Variants in SYT4 observed in about 807,000 individuals in gnomAD.
SYT4 encodes synaptotagmin-4.
A neutral mutation model predicts 32.9 loss-of-function variants in SYT4; 7 were observed. The ratio of observed to expected loss-of-function variants is 0.21; its 90% CI spans 0.12 to 0.40. The LOEUF is 0.40. Ranked by LOEUF, SYT4 falls within the 10% of genes least tolerant of loss-of-function variation. The pLI is 1.00. For missense variants in SYT4, 480 were observed against 488.0 expected (o/e 0.98, Z 0.16); for synonymous variants, 205 against 186.2 (o/e 1.10, Z -0.82).
intron 1 of SYT4, 72 bp downstream of exon 1, chr18:43,277,176 A>G: frequency 1.3e-6 from 2 of 1,584,710 alleles, no homozygotes; most frequent in Non-Finnish European, 1.7e-6. Context: ...CGGGCAAAAA[A>G]TAAATGAATA....
Position 43,269,721 on chromosome 18 carries a change from A to G in SYT4, c.*620T>C, listed in dbSNP as rs1568119864. 1 of 153,084 alleles carries G rather than the reference A, an allele frequency of 6.5e-6. No individual in the cohort carries two copies. Among genetic ancestry groups the G allele is most frequent in the Non-Finnish European group, 1.5e-5 (1 of 68,382 alleles). The allele number at this position is 153,084 out of a possible 1,614,324, so 9.5% of individuals were successfully genotyped here. A position where few individuals can be genotyped will look rare whatever the true frequency, so the allele number is the denominator to read the frequency against. On this transcript the variant is annotated 3_prime_UTR_variant, in exon 4 of 4. Transcript: ENST00000255224. Reference sequence around the variant, plus strand: ...ACAGTGTTCTCAACTCAGCCCTTTGATAAAATAATTTCTCAGCTTGTTCAC... The same window carrying G: ...ACAGTGTTCTCAACTCAGCCCTTTGGTAAAATAATTTCTCAGCTTGTTCAC...
chr18:43,272,233 T>A (rs575743514), intron 2 of SYT4: 1 of 153,904 alleles, frequency 6.5e-6, no homozygotes, highest in East Asian at 1.9e-4. Flanking sequence ...TTGGGTCAAA[T>A]GACTACACAT....
In SYT4 at chr18:43,273,898, G is replaced by A. The variant is rs751627091; in HGVS notation, c.531C>T (p.Ala177=). The part of the protein sequence containing the change: ...RKAFVVNIKE[A]RGLPAMDEQS... ...GCTCATCCATGGCTGGCAAGCCACG[G>A]GCTTCCTTGATATTGACCACAAATG... The change falls in exon 2 of 4, where the codon GCC becomes GCT. Residue 177 remains alanine, a synonymous_variant. Transcript: ENST00000255224. 4.2e-5 allele frequency: 68 copies of A among 1,613,870 alleles called. 1 individual carries two copies. The Admixed American group carries it at 1.1e-3, about 27-fold the overall frequency.
In SYT4 at chr18:43,268,918, C is replaced by T. The variant is rs752771159; in HGVS notation, c.*1423G>A. On this transcript the variant is annotated 3_prime_UTR_variant, in exon 4 of 4. Transcript: ENST00000255224. ...GCTAAAGTACTGACACAAAACCTGACTCAAAATGTAAATTTTTCAGTAGAC... is the reference window on the plus strand; with the variant it reads ...GCTAAAGTACTGACACAAAACCTGATTCAAAATGTAAATTTTTCAGTAGAC... The T allele has an allele frequency of 6.6e-5, 10 of 152,588 alleles. No individual in the cohort carries two copies. Among genetic ancestry groups the T allele is most frequent in the Non-Finnish European group, 1.0e-4 (7 of 68,032 alleles). 9.5% of individuals were successfully genotyped at this position (152,588 alleles called of 1,614,324 possible).
rs1908598324 is a variant in SYT4, at chr18:43,270,586, C to T, written c.1033G>A (p.Val345Met). ...ACTGCATTGGGGGTGCATTTCTTCA[C>T]ATGAGTCTTCTTCTTGGAGATTCTC... ...KKRISKKKTH[V>M]KKCTPNAVFN... Residue 345 changes from valine to methionine, a missense_variant, in exon 4 of 4, where the codon GTG becomes ATG. Coordinates refer to ENST00000255224, the MANE Select transcript of SYT4 (RefSeq NM_020783.4). 2.5e-6 allele frequency: 4 copies of T among 1,614,048 alleles called. No individual in the cohort carries two copies. Among genetic ancestry groups the T allele is most frequent in the Non-Finnish European group, 2.5e-6 (3 of 1,179,980 alleles).
intron 1 of SYT4, among the ~76,000 whole-genome samples, chr18:43,275,382 TA>T (rs1908761418): frequency 6.6e-6 from 1 of 152,152 alleles, no homozygotes; most frequent in Non-Finnish European, 1.5e-5. Flanking sequence ...ACTATGGAAG[TA>T]AAAGCAGTAT....
rs1428752873 is a variant in SYT4 at position 43,269,421 on chromosome 18, CT to C, written c.*919del. The C allele has an allele frequency of 1.3e-5, 2 of 152,272 alleles. No homozygotes were observed. Among genetic ancestry groups the C allele is most frequent in the African/African-American group, 4.8e-5 (2 of 41,452 alleles). The allele number at this position is 152,272 out of a possible 1,614,324, so 9.4% of individuals were successfully genotyped here. On this transcript the variant is annotated 3_prime_UTR_variant, in exon 4 of 4. Coordinates refer to ENST00000255224, the MANE Select transcript of SYT4 (RefSeq NM_020783.4). ...GAAGACTTAGGTGGCCATGCCGACT[CT>C]GGGTACAAACGATGGCCTTAAAAGT...
intron 1 of SYT4, among the ~76,000 whole-genome samples, chr18:43,275,346 TC>T (rs1313622831): frequency 2.0e-5 from 3 of 152,170 alleles, no homozygotes; most frequent in African/African-American, 7.2e-5. Flanking sequence ...TATGTAAGCA[TC>T]TTTCTTGAAC....
intron 1 of SYT4, among the ~76,000 whole-genome samples, chr18:43,276,892 T>C (rs1249845294): frequency 6.6e-6 from 1 of 152,114 alleles, no homozygotes; most frequent in African/African-American, 2.4e-5. Context: ...TAATAAAATA[T>C]AGATTTACCT....
chr18:43,274,255 C>T lies in SYT4; in HGVS notation c.174G>A (p.Lys58=), dbSNP rs766530847. The T allele has an allele frequency of 3.1e-6, 5 of 1,613,930 alleles. No homozygotes were observed. The Admixed American group carries it at 6.7e-5, about 22-fold the overall frequency. The change falls in exon 2 of 4, where the codon AAG becomes AAA. Residue 58 remains lysine (K), a synonymous_variant. Coordinates refer to ENST00000255224, the MANE Select transcript of SYT4 (RefSeq NM_020783.4). ...GGTTTTCAGGGTAAATATCAACTCC[C>T]TTAAGCACATGCACAAACTTGTATG... ...TPPYKFVHVL[K]GVDIYPENLN... is the part of the protein sequence containing the mutation.
chr18:43,273,382 C>G (rs1908689051), intron 2 of SYT4, among the ~76,000 whole-genome samples, 198 bp downstream of exon 2: 1 of 151,990 alleles, frequency 6.6e-6, no homozygotes, highest in African/African-American at 2.4e-5. Context: ...CATTAAAACA[C>G]TTTGAGTATT....
At position 43,270,288 on chromosome 18, in the gene SYT4, A is replaced by C. The variant is rs912421002; in HGVS notation, c.*53T>G. 25 of 1,561,872 alleles carry C rather than the reference A, an allele frequency of 1.6e-5. No individual in the cohort carries two copies. The highest frequency in any genetic ancestry group is 2.1e-5 in the Non-Finnish European group (24 of 1,153,650). On this transcript the variant is annotated 3_prime_UTR_variant, in exon 4 of 4. Coordinates refer to ENST00000255224, the MANE Select transcript of SYT4 (RefSeq NM_020783.4). ...TTGCAATCCAATATAGAAAGAAAGAAAATTTCTCCTTGCCTAGTAAAAACC... is the reference window on the plus strand; with the variant it reads ...TTGCAATCCAATATAGAAAGAAAGACAATTTCTCCTTGCCTAGTAAAAACC...
intron 1 of SYT4, among the ~76,000 whole-genome samples, chr18:43,274,660 T>A (rs1414475438): frequency 2.6e-5 from 4 of 152,152 alleles, no homozygotes; most frequent in African/African-American, 9.6e-5. Context: ...TGGTCCTGAA[T>A]CAGATATGGG....
In SYT4 at chr18:43,270,355, G is replaced by C; in HGVS notation, c.1264C>G (p.Leu422Val). 1 of 1,613,934 alleles carries C rather than the reference G, an allele frequency of 6.2e-7. No homozygotes were observed. Among genetic ancestry groups the C allele is most frequent in the Non-Finnish European group, 8.5e-7 (1 of 1,179,884 alleles). The change falls in exon 4 of 4, where the codon CTC becomes GTC. Residue 422 changes from leucine to valine, a missense_variant. Transcript: ENST00000255224. ...CGGCTAGGATGCTAACCATCACAGAGCACGTGCCACTTGGCAATTTGTCTC... is the reference window on the plus strand; with the variant it reads ...CGGCTAGGATGCTAACCATCACAGACCACGTGCCACTTGGCAATTTGTCTC... ...PRRQIAKWHV[L>V]CDG is the part of the protein sequence containing the mutation.
Position 43,270,566 on chromosome 18 carries a change from A to G in SYT4, c.1053T>C (p.Asn351=). 6.2e-7 allele frequency: 1 copy of G among 1,614,038 alleles called. No individual in the cohort carries two copies. The highest frequency in any genetic ancestry group is 2.2e-5 in the East Asian group (1 of 44,846). Residue 351 remains asparagine, a synonymous_variant, in exon 4 of 4, where the codon AAT becomes AAC. Transcript: ENST00000255224. ...KKTHVKKCTP[N]AVFNELFVFD... is the part of the protein sequence containing the mutation. ...AGACAAACAGCTCATTGAACACTGC[A>G]TTGGGGGTGCATTTCTTCACATGAG...
intron 1 of SYT4, among the ~76,000 whole-genome samples, chr18:43,276,846 A>G (rs1319340818): frequency 6.6e-6 from 1 of 152,190 alleles, no homozygotes; most frequent in Non-Finnish European, 1.5e-5. Flanking sequence ...ACCAAGATCA[A>G]ACCCCAATGT....
At chr18:43,272,799 T>C (rs1377699276) in intron 2 of SYT4, among the ~76,000 whole-genome samples, 3 of 152,230 alleles carry the variant, frequency 2.0e-5, no homozygotes, top group East Asian at 1.9e-4. Flanking sequence ...TTAATTTCAA[T>C]AGGAGAGGAG....
At chr18:43,272,841 C>G (rs1344238600) in intron 2 of SYT4, among the ~76,000 whole-genome samples, 2 of 152,088 alleles carry the variant, frequency 1.3e-5, no homozygotes, top group African/African-American at 4.8e-5. Flanking sequence ...GTTTTCAGCT[C>G]TGAAACACTA....
intron 2 of SYT4, 128 bp from the exon 3 acceptor site, chr18:43,271,960 G>A: frequency 9.5e-7 from 1 of 1,048,340 alleles, no homozygotes; most frequent in Non-Finnish European, 1.3e-6. Flanking sequence ...ATATTCTAAG[G>A]AATTGAAGAG....
Sources: gnomAD v4.1 joint callset for allele counts (sites outside exome capture counted in the v4.1 genomes callset) on GRCh38, gnomAD v4.1.1 for gene constraint, MANE v1.5 for transcripts, NCBI Gene and HGNC (gene_info 2026-07-23, HGNC 2026-07-21) for gene names.